PRSS23: variants seen among roughly 807,000 people sequenced by gnomAD.
PRSS23 encodes the protein serine protease 23.
A neutral mutation model predicts 34.7 loss-of-function variants in PRSS23; 25 were observed. The ratio of observed to expected loss-of-function variants is 0.72; its 90% CI spans 0.53 to 1.01. The LOEUF (loss-of-function observed/expected upper bound fraction) is 1.01, where lower values mean the gene tolerates loss of function less well. PRSS23 is among the 50% of genes least tolerant of loss of function. The pLI is 0.00. For synonymous variants in PRSS23, 176 were observed against 186.6 expected (o/e 0.94, Z 0.46); for missense variants, 445 against 475.6 (o/e 0.94, Z 0.60).
chr11:86,923,893 C>T (rs762649870), intron 2 of PRSS23, among the ~76,000 whole-genome samples: 28 of 152,308 alleles, frequency 1.8e-4, no homozygotes, highest in South Asian at 4.1e-4. Flanking sequence ...AAACACGATT[C>T]AAGAGTCAAT....
Position 86,809,324 on chromosome 11 carries a change from AT to A in PRSS23, c.*533del, listed in dbSNP as rs1948150398. 6.0e-6 allele frequency: 1 copy of A among 167,770 alleles called. No homozygotes were observed. The highest frequency in any genetic ancestry group is 2.4e-5 in the African/African-American group (1 of 41,438). 10.4% of individuals were successfully genotyped at this position (167,770 alleles called of 1,614,324 possible). On this transcript the variant is annotated 3_prime_UTR_variant, in exon 2 of 2. Coordinates refer to ENST00000280258, the MANE Select transcript of PRSS23 (RefSeq NM_007173.6). ...TTTGACAGCATTTGTTAGGCAGAAT[AT>A]TTTGGATTTGGAGGCATTTGCATGG...
At chr11:86,834,353 G>A (rs893096076) in intron 2 of PRSS23, among the ~76,000 whole-genome samples, 7 of 152,118 alleles carry the variant, frequency 4.6e-5, no homozygotes, top group Non-Finnish European at 8.8e-5. Context: ...ATGTCCTCCT[G>A]AGGTTCCCCA....
At chr11:86,812,510 G>A (rs919037684), downstream of PRSS23, among the ~76,000 whole-genome samples, 33 of 152,162 alleles carry the variant, frequency 2.2e-4, no homozygotes, top group Admixed American at 1.6e-3. Flanking sequence ...GGGGTTGGCC[G>A]GGCATGGTGG....
At chr11:86,879,609 G>C (rs562438959) in intron 2 of PRSS23, among the ~76,000 whole-genome samples, 2 of 122,804 alleles carry the variant, frequency 1.6e-5, no homozygotes, top group African/African-American at 6.1e-5. Context: ...GCCTCTGCCC[G>C]GCCGCCCCTA....
intron 2 of PRSS23, among the ~76,000 whole-genome samples, chr11:86,889,767 G>A (rs1368101595): frequency 6.6e-6 from 1 of 152,166 alleles, no homozygotes; most frequent in East Asian, 1.9e-4. Context: ...CTGTCACTCC[G>A]AGACTTATCC....
At chr11:86,832,822 G>A in intron 2 of PRSS23, 1 of 302,214 alleles carries the variant, frequency 3.3e-6, no homozygotes, top group Admixed American at 4.6e-5. Flanking sequence ...TGATCCGTGA[G>A]ATAGGAAGAA....
chr11:86,917,709 G>C (rs141509833), intron 2 of PRSS23, among the ~76,000 whole-genome samples: 2 of 152,332 alleles, frequency 1.3e-5, no homozygotes, highest in African/African-American at 4.8e-5. Flanking sequence ...GTGTCCCATA[G>C]TGACATAGAT....
chr11:86,797,910 G>A (rs1032263533), upstream of PRSS23, among the ~76,000 whole-genome samples: 1 of 152,174 alleles, frequency 6.6e-6, no homozygotes, highest in African/African-American at 2.4e-5. Context: ...ACTAGTAAGC[G>A]TCAGACCTTG....
chr11:86,821,472 A>C, intron 1 of PRSS23: 13 of 1,608,742 alleles, frequency 8.1e-6, no homozygotes, highest in African/African-American at 1.3e-5. Flanking sequence ...ATAGCAGGAC[A>C]CTCTTTCAGA....
At position 86,809,552 on chromosome 11, in the gene PRSS23, C is replaced by A. The variant is rs1288130640; in HGVS notation, c.*757C>A. ...ACCAGAGTGGCCAAGAGTGTTTATCCCAACCCTTCCATTTAACAGGATTTC... is the reference window on the plus strand; with the variant it reads ...ACCAGAGTGGCCAAGAGTGTTTATCACAACCCTTCCATTTAACAGGATTTC... On this transcript the variant is annotated 3_prime_UTR_variant, in exon 2 of 2. Transcript: ENST00000280258. The A allele has an allele frequency of 6.0e-6, 1 of 167,000 alleles. No individual in the cohort carries two copies. Among genetic ancestry groups the A allele is most frequent in the Non-Finnish European group, 1.5e-5 (1 of 68,110 alleles). The allele number at this position is 167,000 out of a possible 1,614,324, so 10.3% of individuals were successfully genotyped here. A position where few individuals can be genotyped will look rare whatever the true frequency, so the allele number is the denominator to read the frequency against.
At chr11:86,887,262 G>T (rs746966833) in intron 2 of PRSS23, among the ~76,000 whole-genome samples, 2 of 152,152 alleles carry the variant, frequency 1.3e-5, no homozygotes, top group Non-Finnish European at 2.9e-5. Context: ...TACATCGCAG[G>T]TGGGGACTGG....
intron 2 of PRSS23, among the ~76,000 whole-genome samples, chr11:86,924,115 G>A (rs1462962411): frequency 6.6e-6 from 1 of 152,186 alleles, no homozygotes; most frequent in East Asian, 1.9e-4. Context: ...AACAGGGGCT[G>A]CTTGCTGGTG....
chr11:86,872,109 G>T (rs59459696), intron 2 of PRSS23, among the ~76,000 whole-genome samples: 19,807 of 152,134 alleles, frequency 0.13, 2,137 homozygotes, highest in African/African-American at 0.3. Context: ...ACTCTTTCTT[G>T]TGTCAAATGA....
intron 2 of PRSS23, among the ~76,000 whole-genome samples, chr11:86,896,145 G>C (rs1464315771): frequency 6.6e-6 from 1 of 152,052 alleles, no homozygotes; most frequent in Non-Finnish European, 1.5e-5. Flanking sequence ...AATTAAGTTT[G>C]CACAGGAAAT....
intron 2 of PRSS23, among the ~76,000 whole-genome samples, chr11:86,888,344 C>T (rs1948819244): frequency 6.6e-6 from 1 of 152,030 alleles, no homozygotes; most frequent in Non-Finnish European, 1.5e-5. Flanking sequence ...AGGGAGTACT[C>T]CATAAGGAAC....
At chr11:86,874,156 G>C (rs1948707011) in intron 2 of PRSS23, among the ~76,000 whole-genome samples, 1 of 152,194 alleles carries the variant, frequency 6.6e-6, no homozygotes, top group African/African-American at 2.4e-5. Flanking sequence ...TTGGGCTGCA[G>C]TGCAGTTCGA....
chr11:86,817,134 C>G (rs1337316312), intron 1 of PRSS23, among the ~76,000 whole-genome samples: 1 of 151,876 alleles, frequency 6.6e-6, no homozygotes, highest in African/African-American at 2.4e-5. Context: ...GCAAGAAAGC[C>G]TTTTTTTGTG....
intron 2 of PRSS23, chr11:86,935,496 T>G (rs1352264040): frequency 6.6e-6 from 1 of 152,190 alleles, no homozygotes; most frequent in Non-Finnish European, 1.5e-5. Flanking sequence ...TCTGTTCATT[T>G]TGTTTTGGTT....
intron 1 of PRSS23, among the ~76,000 whole-genome samples, chr11:86,793,952 C>A (rs1380665077): frequency 6.6e-6 from 1 of 151,952 alleles, no homozygotes; most frequent in Non-Finnish European, 1.5e-5. Context: ...GTTAAACTTA[C>A]AAATCTAGCA....
Sources: gnomAD v4.1 joint callset for allele counts (sites outside exome capture counted in the v4.1 genomes callset) on GRCh38, gnomAD v4.1.1 for gene constraint, MANE v1.5 for transcripts, NCBI Gene and HGNC (gene_info 2026-07-23, HGNC 2026-07-21) for gene names.